CCBE1: variants seen among roughly 807,000 people sequenced by gnomAD.
CCBE1 encodes collagen and calcium binding EGF domains 1.
In CCBE1, 37 loss-of-function variants were observed where a neutral mutation model predicts 50.0. That is an observed-to-expected ratio of 0.74 (90% CI 0.57 to 0.97). CCBE1 has a LOEUF of 0.97. Among genes scored for constraint, CCBE1 ranks in the 50% least tolerant of loss-of-function variants. CCBE1 has a pLI of 0.00. For missense variants in CCBE1, 538 were observed against 523.8 expected, an observed-to-expected ratio of 1.03 and a Z score of -0.26; for synonymous variants, 234 against 203.7, an observed-to-expected ratio of 1.15 and a Z score of -1.27.
intron 2 of CCBE1, among the ~76,000 whole-genome samples, chr18:59,594,836 G>A (rs796916734): frequency 1.1e-4 from 16 of 152,128 alleles, no homozygotes; most frequent in African/African-American, 3.6e-4. Flanking sequence ...GTTCTCAGCC[G>A]GGCGCGGTGG....
intron 2 of CCBE1, among the ~76,000 whole-genome samples, chr18:59,569,791 T>TGC (rs1391210222): frequency 6.6e-6 from 1 of 152,158 alleles, no homozygotes; most frequent in Non-Finnish European, 1.5e-5. Context: ...CTCAACACCA[T>TGC]GCCTAGCTAA....
At chr18:59,489,390 T>C (rs560765150) in intron 2 of CCBE1, among the ~76,000 whole-genome samples, 1 of 151,842 alleles carries the variant, frequency 6.6e-6, no homozygotes, top group African/African-American at 2.4e-5. Context: ...CTGGAATGAT[T>C]AACTTTCTTA....
chr18:59,625,322 T>G (rs1182131474), intron 2 of CCBE1, among the ~76,000 whole-genome samples: 3 of 150,836 alleles, frequency 2.0e-5, no homozygotes, highest in Non-Finnish European at 4.4e-5. Context: ...TCCCAGCTAC[T>G]CGGGAGGCTG....
In CCBE1 at chr18:59,454,911, G is replaced by A. The variant is rs778939645; in HGVS notation, c.594C>T (p.Cys198=). The stretch of plus-strand genomic sequence containing the variant: ...GGTAGAACTCCTTGCATGTGGCACA[G>A]CAAGTTCCGGCTTTCACCATGTTCT... The part of the protein sequence containing the change: ...KSENMVKAGT[C]CATCKEFYQM... The change falls in exon 6 of 11, where the codon TGC becomes TGT. Residue 198 remains cysteine, a synonymous_variant. Transcript: ENST00000439986. 14 of 1,614,150 alleles carry A rather than the reference G, an allele frequency of 8.7e-6. No individual in the cohort carries two copies. The highest frequency in any genetic ancestry group is 1.2e-5 in the Non-Finnish European group (14 of 1,180,026).
chr18:59,520,145 T>C (rs1914537367), intron 2 of CCBE1, among the ~76,000 whole-genome samples: 1 of 152,228 alleles, frequency 6.6e-6, no homozygotes, highest in Admixed American at 6.5e-5. Flanking sequence ...AGGATTGTCT[T>C]GGCTATACAG....
intron 5 of CCBE1, among the ~76,000 whole-genome samples, chr18:59,456,566 G>A (rs892539947): frequency 6.6e-6 from 1 of 152,212 alleles, no homozygotes; most frequent in East Asian, 1.9e-4. Context: ...GTCCTGCATA[G>A]CTGTTAGAAG....
At chr18:59,507,142 A>G (rs1913912058) in intron 2 of CCBE1, among the ~76,000 whole-genome samples, 1 of 152,208 alleles carries the variant, frequency 6.6e-6, no homozygotes, top group Admixed American at 6.5e-5. Flanking sequence ...AAGTCAAAAC[A>G]TCTGAAAATC....
chr18:59,695,233 T>C (rs78604426), intron 2 of CCBE1, among the ~76,000 whole-genome samples: 8,341 of 152,234 alleles, frequency 0.055, 495 homozygotes, highest in African/African-American at 0.15. Flanking sequence ...AGGAAAACAA[T>C]GTGTCCTAAG....
At chr18:59,498,764 A>G (rs1370177529) in intron 2 of CCBE1, among the ~76,000 whole-genome samples, 1 of 152,218 alleles carries the variant, frequency 6.6e-6, no homozygotes, top group African/African-American at 2.4e-5. Flanking sequence ...AAAAAAGAGA[A>G]ATCCATTTGT....
At chr18:59,588,169 A>AGC (rs1188577722) in intron 2 of CCBE1, among the ~76,000 whole-genome samples, 1 of 152,266 alleles carries the variant, frequency 6.6e-6, no homozygotes, top group Admixed American at 6.5e-5. Flanking sequence ...TTTGAGGTAT[A>AGC]GCCTATATAC....
At chr18:59,497,992 G>A (rs1387990398) in intron 2 of CCBE1, among the ~76,000 whole-genome samples, 4 of 152,204 alleles carry the variant, frequency 2.6e-5, no homozygotes, top group Non-Finnish European at 5.9e-5. Flanking sequence ...AGGGTCTGGA[G>A]AGACCAGAGT....
intron 5 of CCBE1, 40 bp from the exon 6 acceptor site, chr18:59,454,991 G>A (rs758335154): frequency 6.6e-7 from 1 of 1,513,068 alleles, no homozygotes; most frequent in Admixed American, 1.7e-5. Flanking sequence ...TGGGAGGCTG[G>A]ATGCAAGCCA....
chr18:59,490,710 T>TC (rs1029465886), intron 2 of CCBE1, among the ~76,000 whole-genome samples: 1 of 152,178 alleles, frequency 6.6e-6, no homozygotes, highest in African/African-American at 2.4e-5. Context: ...TTTGACTAAG[T>TC]CACCTGGAGC....
intron 2 of CCBE1, among the ~76,000 whole-genome samples, chr18:59,642,765 T>C (rs528007833): frequency 6.6e-6 from 1 of 151,932 alleles, no homozygotes; most frequent in East Asian, 1.9e-4. Flanking sequence ...CTGGCCAACG[T>C]GGTGAAACCC....
chr18:59,653,671 G>A (rs576084067), intron 2 of CCBE1, among the ~76,000 whole-genome samples: 1 of 152,258 alleles, frequency 6.6e-6, no homozygotes, highest in Non-Finnish European at 1.5e-5. Flanking sequence ...GCTGCTCTAT[G>A]CCTCCCAATA....
At chr18:59,443,850 C>T (rs904696193) in intron 7 of CCBE1, among the ~76,000 whole-genome samples, 80 of 152,076 alleles carry the variant, frequency 5.3e-4, no homozygotes, top group African/African-American at 1.8e-3. Context: ...CTATAACTTT[C>T]TCATCCTGTA....
At chr18:59,507,866 T>C (rs72962196) in intron 2 of CCBE1, among the ~76,000 whole-genome samples, 2 of 151,894 alleles carry the variant, frequency 1.3e-5, no homozygotes, top group South Asian at 4.2e-4. Flanking sequence ...CAGTGTGTTA[T>C]GTTAATTAGG....
intron 2 of CCBE1, among the ~76,000 whole-genome samples, chr18:59,687,570 A>G (rs2054673169): frequency 6.6e-6 from 1 of 152,144 alleles, no homozygotes; most frequent in African/African-American, 2.4e-5. Context: ...CTCCTTCTCC[A>G]CTACTGTTTT....
chr18:59,462,649 G>A (rs1911544708), intron 5 of CCBE1: 1 of 151,832 alleles, frequency 6.6e-6, no homozygotes, highest in Admixed American at 6.6e-5. Context: ...CTCCCAAAGT[G>A]CCGAGATTAC....
Sources: gnomAD v4.1 joint callset for allele counts (sites outside exome capture counted in the v4.1 genomes callset) on GRCh38, gnomAD v4.1.1 for gene constraint, MANE v1.5 for transcripts, NCBI Gene and HGNC (gene_info 2026-07-23, HGNC 2026-07-21) for gene names.